Variants in PDE1C observed in about 807,000 individuals in gnomAD.
The protein encoded by PDE1C is phosphodiesterase 1C, also known as dual specificity calcium/calmodulin-dependent 3',5'-cyclic nucleotide phosphodiesterase 1C.
PDE1C carries 62 observed loss-of-function variants against 93.1 expected under a neutral mutation model. The observed-to-expected ratio is 0.67, with a 90% CI of 0.54 to 0.82. The LOEUF (loss-of-function observed/expected upper bound fraction) is 0.82. PDE1C is among the 40% of genes least tolerant of loss of function. The pLI, the probability that PDE1C is intolerant of heterozygous loss-of-function variation, is 0.00. For missense variants in PDE1C, 742 were observed against 884.6 expected (o/e 0.84, Z 2.04); for synonymous variants, 325 against 310.1 (o/e 1.05, Z -0.50).
chr7:31,790,277 A>C (rs767253245), intron 16 of PDE1C: 22 of 1,609,580 alleles, frequency 1.4e-5, no homozygotes, highest in Non-Finnish European at 1.8e-5. Flanking sequence ...AAAGAAAAAG[A>C]AAAAGAAAAG....
At chr7:32,113,694 T>A (rs1481859141) in intron 3 of PDE1C, among the ~76,000 whole-genome samples, 2 of 152,122 alleles carry the variant, frequency 1.3e-5, no homozygotes, top group Non-Finnish European at 2.9e-5. Context: ...TTGGCAGTAG[T>A]CGTTTTTCCC....
In PDE1C at chr7:31,963,086, T is replaced by C. The variant is rs188511838; in HGVS notation, c.129-82226A>G. Among the ~76,000 whole-genome samples the C allele has an allele frequency of 4.6e-5, 7 of 152,302 alleles. No individual in the cohort carries two copies. In the East Asian group the frequency reaches 1.2e-3, roughly 25 times the overall value. On this transcript the variant is annotated intron_variant, in intron 2 of 17. Coordinates refer to ENST00000396191, the MANE Select transcript of PDE1C (RefSeq NM_001191057.4). Reference sequence around the variant, plus strand: ...TACAAAAGCAATGCTTTAGAAAAATTAGAAAATACACATTTTTTTAAAAGC... The same window carrying C: ...TACAAAAGCAATGCTTTAGAAAAATCAGAAAATACACATTTTTTTAAAAGC...
the PDE1C span, among the ~76,000 whole-genome samples, chr7:31,702,212 T>TTA: frequency 8.3e-3 from 1,259 of 152,116 alleles, 13 homozygotes; most frequent in African/African-American, 0.029. Flanking sequence ...TATTTATTTT[T>TTA]TTTTTTGCCT....
chr7:32,078,276 G>A (rs1445729606), intron 3 of PDE1C, among the ~76,000 whole-genome samples: 1 of 152,198 alleles, frequency 6.6e-6, no homozygotes, highest in Non-Finnish European at 1.5e-5. Context: ...GTTGGCAGCA[G>A]AGCTTGGACC....
chr7:31,779,136 C>T (rs1783213943), intron 16 of PDE1C, among the ~76,000 whole-genome samples: 1 of 152,318 alleles, frequency 6.6e-6, no homozygotes, highest in Non-Finnish European at 1.5e-5. Flanking sequence ...GGGTATTTCA[C>T]AGGTGGCCCA....
At chr7:32,371,327 A>G (rs1350899715) in intron 1 of PDE1C, among the ~76,000 whole-genome samples, 1 of 152,228 alleles carries the variant, frequency 6.6e-6, no homozygotes, top group Non-Finnish European at 1.5e-5. Flanking sequence ...TTACATGCCC[A>G]CTAAGCAACC....
intron 1 of PDE1C, among the ~76,000 whole-genome samples, chr7:32,308,475 C>A (rs1334171773): frequency 6.6e-6 from 1 of 152,220 alleles, no homozygotes; most frequent in East Asian, 1.9e-4. Context: ...AACTGGGAGG[C>A]ACCCCCCAGT....
chr7:32,047,286 G>C (rs1792739063), intron 2 of PDE1C, among the ~76,000 whole-genome samples: 1 of 152,212 alleles, frequency 6.6e-6, no homozygotes, highest in Non-Finnish European at 1.5e-5. Flanking sequence ...GAGTAAGCAG[G>C]TTTACAGCGT....
chr7:32,187,823 T>C (rs1360682362), intron 2 of PDE1C, among the ~76,000 whole-genome samples: 8 of 152,230 alleles, frequency 5.3e-5, no homozygotes. Context: ...GGAATTTTTA[T>C]ATTATTTTAC....
chr7:32,191,622 T>C (rs1804236681), intron 2 of PDE1C, among the ~76,000 whole-genome samples: 1 of 152,210 alleles, frequency 6.6e-6, no homozygotes, highest in African/African-American at 2.4e-5. Context: ...ATTCATCTGT[T>C]AGAATACATC....
rs1784361247 is a variant in PDE1C at position 32,373,114 on chromosome 7, T to G, written c.310+54708A>C. On this transcript the variant is annotated intron_variant, in intron 1 of 1. Transcript: ENST00000672256. ...CCCAGCAATTTCACCTCTAAGTGTA[T>G]ACCCAAGGCAAGTGAAAACATACAC... Among the ~76,000 whole-genome samples the G allele has an allele frequency of 1.3e-5, 2 of 152,324 alleles. 1 individual carries two copies. Among genetic ancestry groups the G allele is most frequent in the South Asian group, 4.1e-4 (2 of 4,824 alleles).
At chr7:32,131,221 C>T (rs991363959) in intron 3 of PDE1C, among the ~76,000 whole-genome samples, 2 of 152,156 alleles carry the variant, frequency 1.3e-5, no homozygotes, top group Admixed American at 1.3e-4. Context: ...GAGCCCCTGT[C>T]ACACACACCC....
intron 2 of PDE1C, among the ~76,000 whole-genome samples, chr7:31,918,691 T>A (rs933495495): frequency 1.3e-5 from 2 of 152,212 alleles, no homozygotes; most frequent in African/African-American, 4.8e-5. Flanking sequence ...AGCTTTCAAT[T>A]TTTTGTTGAC....
At chr7:31,643,636 C>G in the PDE1C span, 1 of 1,614,046 alleles carries the variant, frequency 6.2e-7, no homozygotes, top group African/African-American at 1.3e-5. Context: ...AAAAGCAAGA[C>G]AGTTAAATGA....
At chr7:31,815,863 T>TATG in intron 15 of PDE1C, 61 bp downstream of exon 15, 1 of 1,259,410 alleles carries the variant, frequency 7.9e-7, no homozygotes, top group South Asian at 1.2e-5. Context: ...GTTCACCAGT[T>TATG]TCCATTCATT....
At chr7:31,796,110 C>T (rs1436990222) in intron 16 of PDE1C, among the ~76,000 whole-genome samples, 3 of 149,266 alleles carry the variant, frequency 2.0e-5, no homozygotes, top group Non-Finnish European at 4.5e-5. Context: ...TATACACACA[C>T]ATATATATAT....
chr7:31,651,306 C>T, the PDE1C span: 6 of 1,603,646 alleles, frequency 3.7e-6, no homozygotes, highest in Non-Finnish European at 5.1e-6. Context: ...TAAGTACCAG[C>T]CCACACACCT....
intron 2 of PDE1C, among the ~76,000 whole-genome samples, chr7:32,001,533 A>G: frequency 7.2e-6 from 1 of 138,762 alleles, no homozygotes; most frequent in Admixed American, 7.1e-5. Context: ...CTGGAGTAAC[A>G]GCGTACACAC....
At chr7:32,153,291 T>C (rs1490669131) in intron 3 of PDE1C, among the ~76,000 whole-genome samples, 1 of 152,184 alleles carries the variant, frequency 6.6e-6, no homozygotes, top group East Asian at 1.9e-4. Flanking sequence ...GTGGGAAAGC[T>C]CATTCTGTGA....
Sources: allele counts gnomAD v4.1 joint callset (sites outside exome capture counted in the v4.1 genomes callset), GRCh38; gene constraint gnomAD v4.1.1; transcripts MANE v1.5; gene names NCBI Gene and HGNC (gene_info 2026-07-23, HGNC 2026-07-21).